Variants in PPP4R1 observed in about 807,000 individuals in gnomAD.
PPP4R1 encodes protein phosphatase 4 regulatory subunit 1.
In PPP4R1, 42 loss-of-function variants were observed where a neutral mutation model predicts 111.2. The ratio of observed to expected loss-of-function variants is 0.38; its 90% confidence interval spans 0.29 to 0.49. The LOEUF is 0.49. Ranked by LOEUF, PPP4R1 falls within the 20% of genes least tolerant of loss-of-function variation. PPP4R1 has a pLI of 0.97. For synonymous variants in PPP4R1, 409 were observed against 405.5 expected, an observed-to-expected ratio of 1.01 and a Z score of -0.10; for missense variants, 1,012 against 1,161.6, an observed-to-expected ratio of 0.87 and a Z score of 1.87.
At chr18:9,578,430 G>T (rs1201823421) in intron 9 of PPP4R1, among the ~76,000 whole-genome samples, 1 of 151,862 alleles carries the variant, frequency 6.6e-6, no homozygotes, top group Non-Finnish European at 1.5e-5. Flanking sequence ...GCAGAGACAA[G>T]TCCTTGCTAT....
In PPP4R1 at chr18:9,570,400, C is replaced by G; in HGVS notation, c.1330G>C (p.Asp444His). Residue 444 changes from aspartate to histidine, a missense_variant, in exon 11 of 20, where the codon GAT becomes CAT. Transcript: ENST00000400556. ...LRPEVGTTSQDSALLDQELYN... is the reference protein window; with the variant it reads ...LRPEVGTTSQHSALLDQELYN... ...AATTCCTGATCTAAGAGAGCTGAAT[C>G]TTGTGAAGTGGTGCCAACCTCTGGT... 1 of 1,614,020 alleles carries G rather than the reference C, an allele frequency of 6.2e-7. No homozygotes were observed. The highest frequency in any genetic ancestry group is 8.5e-7 in the Non-Finnish European group (1 of 1,179,966).
chr18:9,596,894 A>G (rs1284506071), intron 2 of PPP4R1, among the ~76,000 whole-genome samples: 1 of 152,224 alleles, frequency 6.6e-6, no homozygotes, highest in African/African-American at 2.4e-5. Flanking sequence ...AAGAACACTT[A>G]AACATGATCT....
chr18:9,587,106 A>G (rs1004185734), intron 6 of PPP4R1, among the ~76,000 whole-genome samples: 1 of 152,202 alleles, frequency 6.6e-6, no homozygotes, highest in Non-Finnish European at 1.5e-5. Flanking sequence ...TTTTATTTCC[A>G]CTGTGCTTAC....
chr18:9,563,340 C>A (rs2066708515), intron 12 of PPP4R1, 38 bp downstream of exon 12: 2 of 1,540,262 alleles, frequency 1.3e-6, no homozygotes, highest in East Asian at 4.6e-5. Flanking sequence ...CTGATTCAAA[C>A]TACTCTCATT....
Position 9,565,867 on chromosome 18 carries a change from T to C in PPP4R1, c.1574-2317A>G, listed in dbSNP as rs558312351. ...AAGCTGCAGCAAGTTATTCAGAAGA[T>C]CTAGCTAAGATTACTTAAGCCACTA... On this transcript the variant is annotated intron_variant, in intron 11 of 19. Transcript: ENST00000400556. Among the ~76,000 whole-genome samples the C allele has an allele frequency of 5.3e-5, 8 of 152,214 alleles. No homozygotes were observed. The South Asian group carries it at 8.3e-4, about 16-fold the overall frequency.
chr18:9,589,784 G>C (rs2067181016), intron 4 of PPP4R1: 1 of 152,276 alleles, frequency 6.6e-6, no homozygotes, highest in Non-Finnish European at 1.5e-5. Flanking sequence ...TGTAATCCCA[G>C]CTACTCCAGA....
intron 2 of PPP4R1, among the ~76,000 whole-genome samples, chr18:9,602,221 T>C (rs1426202259): frequency 1.3e-5 from 2 of 151,954 alleles, no homozygotes; most frequent in Non-Finnish European, 2.9e-5. Context: ...TAAGAAAAAG[T>C]GCCTAAAATG....
intron 10 of PPP4R1, among the ~76,000 whole-genome samples, chr18:9,573,954 A>G (rs188016539): frequency 6.6e-6 from 1 of 152,200 alleles, no homozygotes; most frequent in Non-Finnish European, 1.5e-5. Flanking sequence ...TAAATTGTGG[A>G]CAGAACTACA....
intron 15 of PPP4R1, among the ~76,000 whole-genome samples, chr18:9,555,450 A>ACTCT (rs1212880964): frequency 2.0e-5 from 3 of 152,222 alleles, no homozygotes; most frequent in Non-Finnish European, 4.4e-5. Context: ...ACTCTAGAGA[A>ACTCT]AAAGATATTC....
At chr18:9,580,642 G>A (rs534562908) in intron 9 of PPP4R1, among the ~76,000 whole-genome samples, 13 of 152,262 alleles carry the variant, frequency 8.5e-5, no homozygotes, top group African/African-American at 2.6e-4. Flanking sequence ...GAGCCACCGC[G>A]CCCAGCTGAC....
At chr18:9,595,741 G>T (rs2067280391) in intron 2 of PPP4R1, among the ~76,000 whole-genome samples, 1 of 152,092 alleles carries the variant, frequency 6.6e-6, no homozygotes, top group African/African-American at 2.4e-5. Context: ...TGTAATAAAA[G>T]TATGTATTAA....
rs371832505 is a variant in PPP4R1 at position 9,595,157 on chromosome 18, T to C, written c.53-4A>G. On this transcript the variant is annotated splice_region_variant and splice_polypyrimidine_tract_variant and intron_variant, in intron 2 of 19. Transcript: ENST00000400556. ...GAGCTGTAGTCATCCACACCAACTA[T>C]CAGAGACATCAGAAATACTCCTTAT... 1.7e-5 allele frequency: 27 copies of C among 1,613,114 alleles called. No individual in the cohort carries two copies. The highest frequency in any genetic ancestry group is 2.2e-5 in the East Asian group (1 of 44,858).
chr18:9,560,743 A>T (rs1383217606), intron 13 of PPP4R1, among the ~76,000 whole-genome samples: 1 of 152,132 alleles, frequency 6.6e-6, no homozygotes, highest in Admixed American at 6.5e-5. Context: ...CTGTAGTCCC[A>T]GCTACTTGGG....
rs1161656471 is a variant in PPP4R1, at chr18:9,570,360, T to C, written c.1370A>G (p.His457Arg). The change falls in exon 11 of 20, where the codon CAT becomes CGT. Residue 457 changes from histidine to arginine, a missense_variant. Coordinates refer to ENST00000400556, the MANE Select transcript of PPP4R1 (RefSeq NM_001042388.3). ...TTCAGGAAGAGGAGTCCTCCAGAAA[T>C]GGAAGGAGTTATACAATTCCTGATC... is the stretch of plus-strand genomic sequence containing the variant. ...LLDQELYNSF[H>R]FWRTPLPEID... The C allele has an allele frequency of 2.5e-6, 4 of 1,611,876 alleles. No homozygotes were observed. Among genetic ancestry groups the C allele is most frequent in the Non-Finnish European group, 3.4e-6 (4 of 1,179,058 alleles).
intron 15 of PPP4R1, among the ~76,000 whole-genome samples, chr18:9,556,244 G>A (rs904872855): frequency 6.6e-6 from 1 of 150,944 alleles, no homozygotes; most frequent in South Asian, 2.1e-4. Flanking sequence ...CCCAGCTGGA[G>A]TGCAGTGGCA....
At chr18:9,609,851 A>G (rs567436282) in intron 2 of PPP4R1, among the ~76,000 whole-genome samples, 140 of 152,360 alleles carry the variant, frequency 9.2e-4, no homozygotes, top group Non-Finnish European at 1.7e-3. Flanking sequence ...TCAAAATATG[A>G]TATTTAGAAT....
intron 2 of PPP4R1, among the ~76,000 whole-genome samples, chr18:9,610,304 G>C (rs1225965145): frequency 1.3e-5 from 2 of 152,132 alleles, no homozygotes; most frequent in Non-Finnish European, 2.9e-5. Flanking sequence ...AATATAAAAA[G>C]TTAAAAAGGG....
chr18:9,555,893 T>G (rs957721009), intron 15 of PPP4R1, among the ~76,000 whole-genome samples: 10 of 151,966 alleles, frequency 6.6e-5, no homozygotes, highest in Non-Finnish European at 1.2e-4. Flanking sequence ...TCCCAGCACT[T>G]TGGGAGGCCA....
At position 9,563,456 on chromosome 18, in the gene PPP4R1, A is replaced by G; in HGVS notation, c.1668T>C (p.Asp556=). 1 of 1,608,706 alleles carries G rather than the reference A, an allele frequency of 6.2e-7. No homozygotes were observed. Among genetic ancestry groups the G allele is most frequent in the Non-Finnish European group, 8.5e-7 (1 of 1,175,412 alleles). Residue 556 remains aspartate, a synonymous_variant, in exon 12 of 20, where the codon GAT becomes GAC. Transcript: ENST00000400556. ...ISIEKRSDLQ[D]ELDINELPNC... ...TTGGTAGCTCATTTATATCCAGTTC[A>G]TCTTGCAAATCACTTCTCTTTTCTA...
Sources: allele counts gnomAD v4.1 joint callset (sites outside exome capture counted in the v4.1 genomes callset), GRCh38; gene constraint gnomAD v4.1.1; transcripts MANE v1.5; gene names NCBI Gene and HGNC (gene_info 2026-07-23, HGNC 2026-07-21).